Variants in FRS2 observed in about 807,000 individuals in gnomAD.
The protein encoded by FRS2 is FGFR signalling adaptor.
Under a neutral mutation model 43.9 loss-of-function variants are expected in FRS2, and 8 were observed. The observed-to-expected ratio is 0.18, with a 90% CI of 0.11 to 0.33. The LOEUF (loss-of-function observed/expected upper bound fraction) is 0.33. FRS2 is among the 10% of genes least tolerant of loss of function. FRS2 has a pLI of 1.00. For missense variants in FRS2, 534 were observed against 627.6 expected, an observed-to-expected ratio of 0.85 and a Z score of 1.59; for synonymous variants, 219 against 220.3, an observed-to-expected ratio of 0.99 and a Z score of 0.05.
intron 3 of FRS2, among the ~76,000 whole-genome samples, chr12:69,532,397 G>A (rs1162805472): frequency 1.3e-5 from 2 of 152,140 alleles, no homozygotes; most frequent in Non-Finnish European, 2.9e-5. Context: ...CATTGCCTAC[G>A]TGACTTGGAG....
intron 1 of FRS2, among the ~76,000 whole-genome samples, chr12:69,476,057 A>G (rs1870737140): frequency 6.6e-6 from 1 of 152,090 alleles, no homozygotes; most frequent in African/African-American, 2.4e-5. Flanking sequence ...CCCTTTTTAA[A>G]GATTATGGTT....
chr12:69,492,811 C>T (rs1872589216), intron 1 of FRS2, among the ~76,000 whole-genome samples: 1 of 152,148 alleles, frequency 6.6e-6, no homozygotes, highest in South Asian at 2.1e-4. Context: ...CAATAATTCT[C>T]TGTTTGGTTC....
chr12:69,504,105 A>G (rs998305565), intron 1 of FRS2, among the ~76,000 whole-genome samples: 6 of 152,214 alleles, frequency 3.9e-5, no homozygotes, highest in Admixed American at 2.6e-4. Flanking sequence ...TAAGTATTCA[A>G]CAGAGAACAG....
rs546836000 is a variant in FRS2 at position 69,489,166 on chromosome 12, T to A, written c.-261+18636T>A. ...GATGTTTATTGGTTCAAATACAGCA[T>A]GTACTCTTACCTTCTGTGCAGGTGT... On this transcript the variant is annotated intron_variant, in intron 1 of 8. Transcript: ENST00000549921. Among the ~76,000 whole-genome samples the A allele has an allele frequency of 2.0e-5, 3 of 152,330 alleles. No individual in the cohort carries two copies. In the East Asian group the frequency reaches 5.8e-4, roughly 29 times the overall value.
chr12:69,491,035 T>C (rs1448087657), intron 1 of FRS2, among the ~76,000 whole-genome samples: 2 of 152,248 alleles, frequency 1.3e-5, no homozygotes, highest in African/African-American at 4.8e-5. Flanking sequence ...TTCTGTCTAC[T>C]AGGTCCCATG....
At chr12:69,479,738 T>C (rs967301947) in intron 1 of FRS2, among the ~76,000 whole-genome samples, 2 of 152,214 alleles carry the variant, frequency 1.3e-5, no homozygotes, top group African/African-American at 4.8e-5. Flanking sequence ...ACTGCTACTT[T>C]GTTCTTGGTG....
intron 1 of FRS2, among the ~76,000 whole-genome samples, chr12:69,520,211 GA>G (rs34465027): frequency 0.11 from 16,128 of 152,066 alleles, 1,045 homozygotes; most frequent in Middle Eastern, 0.22. Flanking sequence ...GTGTTCTTTT[GA>G]AAAGTGTTGG....
intron 3 of FRS2, among the ~76,000 whole-genome samples, chr12:69,534,912 T>G (rs1057085871): frequency 3.3e-5 from 5 of 152,214 alleles, no homozygotes; most frequent in African/African-American, 1.2e-4. Flanking sequence ...TACATATTTT[T>G]ATTGTTTTTT....
At chr12:69,554,154 T>C (rs1593043642) in intron 3 of FRS2, among the ~76,000 whole-genome samples, 3 of 152,234 alleles carry the variant, frequency 2.0e-5, no homozygotes, top group Non-Finnish European at 4.4e-5. Context: ...TGGGCTCTGC[T>C]TAGACACTTA....
chr12:69,506,884 A>T (rs976685225), intron 1 of FRS2, among the ~76,000 whole-genome samples: 1 of 152,184 alleles, frequency 6.6e-6, no homozygotes, highest in Admixed American at 6.5e-5. Flanking sequence ...TCATGAATAG[A>T]TTAATACATT....
chr12:69,559,194 A>C (rs1397347209), intron 3 of FRS2, among the ~76,000 whole-genome samples: 1 of 152,238 alleles, frequency 6.6e-6, no homozygotes, highest in Non-Finnish European at 1.5e-5. Flanking sequence ...AAGTGAATTG[A>C]TGACAGTTTA....
chr12:69,550,325 A>T (rs541896264), intron 3 of FRS2, among the ~76,000 whole-genome samples: 2 of 152,260 alleles, frequency 1.3e-5, no homozygotes, highest in South Asian at 4.1e-4. Flanking sequence ...TTAGTAACTT[A>T]ATTCAGTCCT....
intron 2 of FRS2, among the ~76,000 whole-genome samples, chr12:69,531,424 A>G (rs1876782620): frequency 6.6e-6 from 1 of 152,136 alleles, no homozygotes; most frequent in African/African-American, 2.4e-5. Flanking sequence ...TAAGAAGTGT[A>G]TTTCTGTGAT....
chr12:69,555,553 C>G (rs1593046359), intron 3 of FRS2, among the ~76,000 whole-genome samples: 1 of 152,290 alleles, frequency 6.6e-6, no homozygotes, highest in South Asian at 2.1e-4. Context: ...TTTAACAACA[C>G]AGGGTTTGAA....
At chr12:69,556,011 G>GA (rs529598191) in intron 3 of FRS2, among the ~76,000 whole-genome samples, 3 of 57,108 alleles carry the variant, frequency 5.3e-5, no homozygotes, top group South Asian at 1.6e-3. Flanking sequence ...TGTGTGGCGG[G>GA]GGGGGGGGCG....
chr12:69,510,688 T>C (rs1182079878), intron 1 of FRS2, among the ~76,000 whole-genome samples: 2 of 152,168 alleles, frequency 1.3e-5, no homozygotes, highest in East Asian at 3.9e-4. Context: ...CAAGCAAGTT[T>C]CTTTATCTTC....
chr12:69,507,540 T>C (rs1297203866), intron 1 of FRS2, among the ~76,000 whole-genome samples: 1 of 152,222 alleles, frequency 6.6e-6, no homozygotes, highest in Non-Finnish European at 1.5e-5. Context: ...ATAGCTTTTC[T>C]CTTCATATGA....
intron 3 of FRS2, among the ~76,000 whole-genome samples, chr12:69,554,514 A>G (rs1431595250): frequency 6.6e-6 from 1 of 152,212 alleles, no homozygotes; most frequent in Admixed American, 6.5e-5. Context: ...TAGTACAGAG[A>G]TTCCCATATA....
rs758502066 is a variant in FRS2, at chr12:69,574,399, G to A, written c.971G>A (p.Arg324His). 54 of 1,613,578 alleles carry A rather than the reference G, an allele frequency of 3.3e-5. No homozygotes were observed. The Middle Eastern group carries it at 2.0e-3, about 59-fold the overall frequency. ...IPSASGVRRG[R>H]LTSTSTSDTQ... ...AGTGCCTCAGGGGTCAGGAGAGGTC[G>A]TCTGACATCCACCAGTACCTCAGAT... Residue 324 changes from arginine to histidine, a missense_variant, in exon 9 of 9, where the codon CGT (arginine) becomes CAT (histidine). By Grantham distance (29) the Arg-to-His change is conservative. This residue lies in a region of FRS2 where 446 missense variants were observed against 494.2 expected (regional missense o/e 0.90). Transcript: ENST00000549921.
Sources: allele counts gnomAD v4.1 joint callset (sites outside exome capture counted in the v4.1 genomes callset), GRCh38; gene constraint gnomAD v4.1.1; regional missense constraint gnomAD v4.1.1; transcripts MANE v1.5; gene names NCBI Gene and HGNC (gene_info 2026-07-23, HGNC 2026-07-21).